The following ARHGAP29 variants were observed in gnomAD, a reference collection of about 807,000 sequenced individuals.
The protein encoded by ARHGAP29 is rho GTPase-activating protein 29.
Under a neutral mutation model 122.6 loss-of-function variants are expected in ARHGAP29, and 43 were observed. The observed-to-expected ratio is 0.35, with a 90% confidence interval of 0.27 to 0.45. The LOEUF (loss-of-function observed/expected upper bound fraction) is 0.45, where lower values mean the gene tolerates loss of function less well. ARHGAP29 is among the 20% of genes least tolerant of loss of function. The pLI is 1.00. For synonymous variants in ARHGAP29, 506 were observed against 497.1 expected (o/e 1.02, Z -0.24); for missense variants, 1,303 against 1,477.2 (o/e 0.88, Z 1.93).
Position 94,237,523 on chromosome 1 carries a change from C to T in ARHGAP29, c.-141G>A. The stretch of plus-strand genomic sequence containing the variant: ...GCCCCCATCCCCCACGGCCTGCGGA[C>T]GCCCGGCCAAATCTCAGCCGCAGCC... On this transcript the variant is annotated 5_prime_UTR_variant, in exon 1 of 23. Coordinates refer to ENST00000260526, the MANE Select transcript of ARHGAP29 (RefSeq NM_004815.4). 1 of 990,220 alleles carries T rather than the reference C, an allele frequency of 1.0e-6. No homozygotes were observed. The highest frequency in any genetic ancestry group is 1.2e-6 in the Non-Finnish European group (1 of 833,276). The allele number at this position is 990,220 out of a possible 1,614,324, so 61.3% of individuals were successfully genotyped here. A position where few individuals can be genotyped will look rare whatever the true frequency, so the allele number is the denominator to read the frequency against.
chr1:94,253,161 A>G (rs907939725), intron 1 of ARHGAP29, among the ~76,000 whole-genome samples: 3 of 152,088 alleles, frequency 2.0e-5, no homozygotes, highest in Non-Finnish European at 4.4e-5. Flanking sequence ...TAGTAGAGAC[A>G]GGTTTCACTG....
Position 94,177,874 on chromosome 1 carries a change from G to T in ARHGAP29, c.2774C>A (p.Ser925Ter). 1 of 1,608,732 alleles carries T rather than the reference G, an allele frequency of 6.2e-7. No homozygotes were observed. Among genetic ancestry groups the T allele is most frequent in the South Asian group, 1.1e-5 (1 of 89,598 alleles). The stretch of plus-strand genomic sequence containing the variant: ...CACTTCCTTTGAAGAAAAAAATAGT[G>T]ACTTCATGGAACGTTCAATGTCTCT... ...EERDIERSMK[S>*]LFFSSKEDIH... The change falls in exon 21 of 23, where the codon TCA becomes TAA. Residue 925 changes from serine (S) to a stop codon, truncating the protein, a stop_gained. Transcript: ENST00000260526. LOFTEE classifies it high-confidence loss of function.
chr1:94,249,728 T>G (rs1355712732), intron 1 of ARHGAP29, among the ~76,000 whole-genome samples: 2 of 150,692 alleles, frequency 1.3e-5, no homozygotes, highest in African/African-American at 4.9e-5. Flanking sequence ...TCTAGCCTGG[T>G]CAACAAGAGT....
At chr1:94,278,313 T>A (rs186517690), upstream of ARHGAP29, among the ~76,000 whole-genome samples, 3 of 151,956 alleles carry the variant, frequency 2.0e-5, no homozygotes, top group East Asian at 5.8e-4. Flanking sequence ...AACAAGACCC[T>A]GTCTCTAAAA....
At position 94,202,067 on chromosome 1, in the gene ARHGAP29, T is replaced by C. The variant is rs115158186; in HGVS notation, c.1144-210A>G. 3.9e-3 allele frequency: 1,829 copies of C among 469,262 alleles called. 23 individuals are homozygous for C. The highest frequency in any genetic ancestry group is 0.034 in the African/African-American group (1,672 of 49,616). The allele number at this position is 469,262 out of a possible 1,614,324, so 29.1% of individuals were successfully genotyped here. A position where few individuals can be genotyped will look rare whatever the true frequency, so the allele number is the denominator to read the frequency against. ...TACAATTTATAATTAGTACACTGTC[T>C]ATAAAATATTTGCTTCTATTTGAAA... On this transcript the variant is annotated intron_variant, in intron 11 of 22. Transcript: ENST00000260526.
intron 5 of ARHGAP29, among the ~76,000 whole-genome samples, chr1:94,208,285 C>A (rs1651346812): frequency 1.3e-5 from 2 of 152,000 alleles, no homozygotes; most frequent in Non-Finnish European, 2.9e-5. Context: ...TGTTGAAATC[C>A]TTCTTGGATT....
chr1:94,238,765 GGA>G (rs2100671393), upstream of ARHGAP29, among the ~76,000 whole-genome samples: 1 of 152,186 alleles, frequency 6.6e-6, no homozygotes, highest in South Asian at 2.1e-4. Flanking sequence ...AAAAATAAAA[GGA>G]GAGACTACCC....
chr1:94,283,253 T>G, the ARHGAP29 span, among the ~76,000 whole-genome samples: 1 of 152,116 alleles, frequency 6.6e-6, no homozygotes, highest in African/African-American at 2.4e-5. Flanking sequence ...CTTTCTATCT[T>G]CTAAACACTG....
intron 1 of ARHGAP29, among the ~76,000 whole-genome samples, chr1:94,252,201 C>T (rs997507235): frequency 5.3e-5 from 8 of 152,178 alleles, no homozygotes; most frequent in African/African-American, 1.9e-4. Flanking sequence ...TGACAAGTTT[C>T]ATGACTTCAC....
At chr1:94,230,878 C>G (rs1652883940) in intron 2 of ARHGAP29, among the ~76,000 whole-genome samples, 1 of 151,654 alleles carries the variant, frequency 6.6e-6, no homozygotes, top group Non-Finnish European at 1.5e-5. Context: ...TTATTCATTT[C>G]TAACTAGACA....
At chr1:94,187,177 C>T (rs1039970787) in intron 15 of ARHGAP29, among the ~76,000 whole-genome samples, 2 of 152,152 alleles carry the variant, frequency 1.3e-5, no homozygotes, top group Admixed American at 1.3e-4. Context: ...AAGGACACTG[C>T]CATATGTATC....
At chr1:94,213,505 C>G (rs1651783655) in intron 3 of ARHGAP29, among the ~76,000 whole-genome samples, 1 of 152,098 alleles carries the variant, frequency 6.6e-6, no homozygotes, top group South Asian at 2.1e-4. Flanking sequence ...CTATAAAGGA[C>G]CAGGTAGTAA....
chr1:94,271,631 G>A (rs1197107561), intron 1 of ARHGAP29, among the ~76,000 whole-genome samples: 1 of 152,138 alleles, frequency 6.6e-6, no homozygotes, highest in Admixed American at 6.5e-5. Flanking sequence ...TGCCAATTTG[G>A]TGGCAATATC....
At chr1:94,292,385 C>T in the ARHGAP29 span, among the ~76,000 whole-genome samples, 14 of 152,124 alleles carry the variant, frequency 9.2e-5, no homozygotes, top group East Asian at 1.9e-4. Context: ...AGCTTCCTTG[C>T]GATGAGTTAG....
chr1:94,192,193 A>T (rs1344181079), intron 12 of ARHGAP29: 1 of 152,188 alleles, frequency 6.6e-6, no homozygotes, highest in African/African-American at 2.4e-5. Flanking sequence ...GCAGTAAGCT[A>T]ACTTCTCCCG....
rs769366932 is a variant in ARHGAP29 at position 94,220,272 on chromosome 1, G to A, written c.326C>T (p.Thr109Ile). 1 of 1,613,194 alleles carries A rather than the reference G, an allele frequency of 6.2e-7. No individual in the cohort carries two copies. Among genetic ancestry groups the A allele is most frequent in the Non-Finnish European group, 8.5e-7 (1 of 1,179,636 alleles). The change falls in exon 3 of 23, where the codon ACT (threonine) becomes ATT (isoleucine). Residue 109 changes from threonine (T) to isoleucine (I), a missense_variant. Transcript: ENST00000260526. ...VDLQNAAEML[T>I]AKVKAVNFTE... ...ATCTTCCTTACCTTTCACTTTTGCA[G>A]TGAGCATTTCTGCAGCATTTTGAAG... is the stretch of plus-strand genomic sequence containing the variant.
At chr1:94,203,346 C>T (rs576115589) in intron 8 of ARHGAP29, 136 bp from the exon 9 acceptor site, 5 of 551,666 alleles carry the variant, frequency 9.1e-6, no homozygotes, top group African/African-American at 5.9e-5. Context: ...AAAAACATGA[C>T]TATGAGAAAA....
At chr1:94,186,667 A>C in intron 15 of ARHGAP29, 70 bp from the exon 16 acceptor site, 1 of 1,163,480 alleles carries the variant, frequency 8.6e-7, no homozygotes, top group South Asian at 1.3e-5. Context: ...AAATGACAAC[A>C]CTTTTGAAAT....
At chr1:94,199,039 A>C (rs1650657564) in intron 12 of ARHGAP29, among the ~76,000 whole-genome samples, 2 of 152,164 alleles carry the variant, frequency 1.3e-5, no homozygotes, top group African/African-American at 4.8e-5. Context: ...GGAACTGAAC[A>C]ATGGAATCAC....
Sources: gnomAD v4.1 joint callset for allele counts (sites outside exome capture counted in the v4.1 genomes callset) on GRCh38, gnomAD v4.1.1 for gene constraint, MANE v1.5 for transcripts, NCBI Gene and HGNC (gene_info 2026-07-23, HGNC 2026-07-21) for gene names.